LOC128462377: variants seen among roughly 807,000 people sequenced by gnomAD.
the LOC128462377 span, among the ~76,000 whole-genome samples, chr16:89,413,198 A>G: frequency 6.6e-6 from 1 of 152,240 alleles, no homozygotes; most frequent in African/African-American, 2.4e-5. Flanking sequence ...ATAATTCCTC[A>G]GAACTCTAAA....
the LOC128462377 span, among the ~76,000 whole-genome samples, chr16:89,344,928 A>C: frequency 6.6e-6 from 1 of 152,226 alleles, no homozygotes; most frequent in African/African-American, 2.4e-5. Context: ...TGTAGAAAAT[A>C]CCAGTGAAAA....
chr16:89,318,881 A>T, the LOC128462377 span, among the ~76,000 whole-genome samples: 1 of 152,176 alleles, frequency 6.6e-6, no homozygotes, highest in Non-Finnish European at 1.5e-5. Context: ...ACCATCCCTG[A>T]TGCCTGAGGC....
chr16:89,375,144 A>G, the LOC128462377 span, among the ~76,000 whole-genome samples: 1 of 152,030 alleles, frequency 6.6e-6, no homozygotes, highest in Non-Finnish European at 1.5e-5. Flanking sequence ...GACATACCAC[A>G]CTGCACGCTG....
chr16:89,317,245 C>A, the LOC128462377 span, among the ~76,000 whole-genome samples: 1 of 152,188 alleles, frequency 6.6e-6, no homozygotes, highest in Non-Finnish European at 1.5e-5. Context: ...GATACGCCTC[C>A]CATAAAGGGG....
At chr16:89,330,756 G>A in the LOC128462377 span, among the ~76,000 whole-genome samples, 5 of 148,196 alleles carry the variant, frequency 3.4e-5, no homozygotes, top group East Asian at 6.2e-4. Flanking sequence ...CCTCCTCGGC[G>A]AGTTCCAACC....
At chr16:89,404,757 G>A in the LOC128462377 span, among the ~76,000 whole-genome samples, 1 of 152,264 alleles carries the variant, frequency 6.6e-6, no homozygotes, top group African/African-American at 2.4e-5. Flanking sequence ...AGCTGGCCAT[G>A]TGCTCAGCCA....
At chr16:89,318,462 C>G in the LOC128462377 span, among the ~76,000 whole-genome samples, 2 of 152,234 alleles carry the variant, frequency 1.3e-5, no homozygotes, top group Non-Finnish European at 2.9e-5. Context: ...CACCTCTGTG[C>G]GCGACCATGC....
At chr16:89,344,043 G>A in the LOC128462377 span, among the ~76,000 whole-genome samples, 2 of 152,120 alleles carry the variant, frequency 1.3e-5, no homozygotes, top group African/African-American at 4.8e-5. Context: ...CCTCAAGCCC[G>A]GCCCCGCCCC....
At chr16:89,393,290 CTTTT>C in the LOC128462377 span, among the ~76,000 whole-genome samples, 2 of 151,140 alleles carry the variant, frequency 1.3e-5, no homozygotes, top group African/African-American at 2.4e-5. Context: ...TTAGTTTCCT[CTTTT>C]TTTTACTTTT....
the LOC128462377 span, among the ~76,000 whole-genome samples, chr16:89,318,442 G>A: frequency 3.8e-3 from 574 of 152,298 alleles, 2 homozygotes; most frequent in African/African-American, 0.013. Context: ...TGCCCTTTCC[G>A]CCACAGCAGC....
chr16:89,381,896 C>T, the LOC128462377 span, among the ~76,000 whole-genome samples: 136 of 152,376 alleles, frequency 8.9e-4, no homozygotes, highest in Non-Finnish European at 1.1e-3. Flanking sequence ...GTGGTGACCA[C>T]AGTCCAGCCG....
the LOC128462377 span, among the ~76,000 whole-genome samples, chr16:89,347,736 T>TTA: frequency 6.6e-6 from 1 of 152,180 alleles, no homozygotes; most frequent in East Asian, 1.9e-4. Flanking sequence ...AAAGGTTACT[T>TTA]TTTAAAAAAG....
chr16:89,411,383 C>T, the LOC128462377 span, among the ~76,000 whole-genome samples: 32 of 152,352 alleles, frequency 2.1e-4, no homozygotes, highest in South Asian at 5.6e-3. Context: ...CTGGGCCAGA[C>T]GCTACACATC....
At chr16:89,353,077 C>T in the LOC128462377 span, among the ~76,000 whole-genome samples, 3 of 152,316 alleles carry the variant, frequency 2.0e-5, no homozygotes, top group Admixed American at 6.5e-5. Context: ...CGGTGGCTCA[C>T]GCCTGTAATT....
At chr16:89,415,852 A>AAAAAAAAAAAAAAAAAAAAAAAAAG in the LOC128462377 span, among the ~76,000 whole-genome samples, 1 of 147,366 alleles carries the variant, frequency 6.8e-6, no homozygotes. Flanking sequence ...AAAAAAAAAC[A>AAAAAAAAAAAAAAAAAAAAAAAAAG]ATGGAGAACC....
the LOC128462377 span, among the ~76,000 whole-genome samples, chr16:89,329,269 A>C: frequency 6.6e-6 from 1 of 152,252 alleles, no homozygotes; most frequent in African/African-American, 2.4e-5. Context: ...ATCTGAATCA[A>C]GTCTGCAGGG....
At chr16:89,339,452 G>A in the LOC128462377 span, among the ~76,000 whole-genome samples, 2 of 151,834 alleles carry the variant, frequency 1.3e-5, no homozygotes, top group African/African-American at 4.8e-5. Context: ...CCCATGGTCC[G>A]AGGAGCCCAT....
the LOC128462377 span, among the ~76,000 whole-genome samples, chr16:89,356,338 G>A: frequency 7.3e-6 from 1 of 136,488 alleles, no homozygotes; most frequent in African/African-American, 2.8e-5. Context: ...CAAGCCATCC[G>A]CTGAGGTGAG....
chr16:89,357,107 T>C, the LOC128462377 span, among the ~76,000 whole-genome samples: 1 of 152,124 alleles, frequency 6.6e-6, no homozygotes, highest in African/African-American at 2.4e-5. Flanking sequence ...GATGAGTCTG[T>C]AGGAGGGACA....
Sources: gnomAD v4.1 joint callset for allele counts (sites outside exome capture counted in the v4.1 genomes callset) on GRCh38, gnomAD v4.1.1 for gene constraint, MANE v1.5 for transcripts.